Variants in TCTN2 observed in about 807,000 individuals in gnomAD.
TCTN2 encodes tectonic family member 2.
A neutral mutation model predicts 83.4 loss-of-function variants in TCTN2; 66 were observed. That is an observed-to-expected ratio of 0.79 (90% CI 0.65 to 0.97). TCTN2 has a LOEUF of 0.97. Ranked by LOEUF, TCTN2 falls within the 50% of genes least tolerant of loss-of-function variation. The pLI is 0.00. For missense variants in TCTN2, 794 were observed against 858.1 expected, an observed-to-expected ratio of 0.93 and a Z score of 0.93; for synonymous variants, 301 against 326.7, an observed-to-expected ratio of 0.92 and a Z score of 0.85.
intron 4 of TCTN2, among the ~76,000 whole-genome samples, chr12:123,678,888 C>T (rs921706279): frequency 2.6e-5 from 4 of 151,888 alleles, no homozygotes; most frequent in African/African-American, 7.3e-5. Flanking sequence ...AGCTCCGCCT[C>T]CCGGGTTCAC....
chr12:123,675,342 A>G (rs980078570), intron 4 of TCTN2, among the ~76,000 whole-genome samples: 7 of 152,130 alleles, frequency 4.6e-5, no homozygotes, highest in Non-Finnish European at 7.4e-5. Flanking sequence ...CTCTGCAGTG[A>G]TGAGTGCTAC....
chr12:123,672,603 G>A (rs758964626), intron 3 of TCTN2, among the ~76,000 whole-genome samples: 1 of 151,692 alleles, frequency 6.6e-6, no homozygotes, highest in Non-Finnish European at 1.5e-5. Flanking sequence ...GGTGGGTGGC[G>A]TACACCTACA....
rs569489612 is a variant in TCTN2, at chr12:123,708,206, T to C, written c.*493T>C. 5.5e-6 allele frequency: 1 copy of C among 181,178 alleles called. No individual in the cohort carries two copies. Among genetic ancestry groups the C allele is most frequent in the South Asian group, 1.2e-4 (1 of 8,480 alleles). 11.2% of individuals were successfully genotyped at this position (181,178 alleles called of 1,614,324 possible). Reference sequence around the variant, plus strand: ...CGGGGTTTCGCCTTGTTGCCCAGGGTGGTCTGTAACTCCTGAGCTCAGATG... The same window carrying C: ...CGGGGTTTCGCCTTGTTGCCCAGGGCGGTCTGTAACTCCTGAGCTCAGATG... On this transcript the variant is annotated 3_prime_UTR_variant, in exon 18 of 18. Coordinates refer to ENST00000303372, the MANE Select transcript of TCTN2 (RefSeq NM_024809.5).
chr12:123,688,308 C>T (rs996491012), intron 7 of TCTN2, 131 bp downstream of exon 7: 14 of 1,218,596 alleles, frequency 1.1e-5, no homozygotes, highest in African/African-American at 6.3e-5. Flanking sequence ...CTCTGCCTCC[C>T]GGGTTCAAGT....
At chr12:123,683,361 A>G (rs950003761) in intron 5 of TCTN2, among the ~76,000 whole-genome samples, 16 of 150,738 alleles carry the variant, frequency 1.1e-4, no homozygotes, top group African/African-American at 2.2e-4. Flanking sequence ...GCTCACTGCA[A>G]CCTCTGCCTC....
In TCTN2 at chr12:123,683,980, G is replaced by A. The variant is rs1955932214; in HGVS notation, c.565-2856G>A. On this transcript the variant is annotated intron_variant, in intron 5 of 17. Coordinates refer to ENST00000303372, the MANE Select transcript of TCTN2 (RefSeq NM_024809.5). Reference sequence around the variant, plus strand: ...TTTAAATTTAAGGGGAATGAGAACTGCAAAAGAAGAAATTTACTGGTACCC... The same window carrying A: ...TTTAAATTTAAGGGGAATGAGAACTACAAAAGAAGAAATTTACTGGTACCC... Among the ~76,000 whole-genome samples, 4 of 152,104 alleles carry A rather than the reference G, an allele frequency of 2.6e-5. No homozygotes were observed. The South Asian group carries it at 8.3e-4, about 31-fold the overall frequency.
chr12:123,687,895 C>T (rs767288390), intron 6 of TCTN2, among the ~76,000 whole-genome samples, 156 bp from the exon 7 acceptor site: 2 of 150,352 alleles, frequency 1.3e-5, no homozygotes, highest in African/African-American at 2.4e-5. Context: ...ACCTGGGAGG[C>T]GGAGGTAGCA....
chr12:123,697,229 A>G lies in TCTN2; in HGVS notation c.1505+31A>G, dbSNP rs760992434. The G allele has an allele frequency of 1.2e-5, 18 of 1,476,094 alleles. No homozygotes were observed. The South Asian group carries it at 2.0e-4, about 17-fold the overall frequency. The allele number at this position is 1,476,094 out of a possible 1,614,324, so 91.4% of individuals were successfully genotyped here. ...TGTTTCATTGATGAATATATCGGCA[A>G]TGTGAATGGTTTGCCTAGAATTAAT... On this transcript the variant is annotated intron_variant, in intron 13 of 17. Transcript: ENST00000303372.
intron 3 of TCTN2, among the ~76,000 whole-genome samples, chr12:123,672,430 G>T (rs371643896): frequency 1.3e-5 from 2 of 152,092 alleles, no homozygotes; most frequent in East Asian, 3.9e-4. Flanking sequence ...TCATCAAATG[G>T]GTCAGTGATT....
In TCTN2 at chr12:123,692,667, C is replaced by G. The variant is rs564412882; in HGVS notation, c.1043C>G (p.Thr348Arg). The G allele has an allele frequency of 9.9e-6, 16 of 1,612,598 alleles. No individual in the cohort carries two copies. The highest frequency in any genetic ancestry group is 1.4e-5 in the Non-Finnish European group (16 of 1,178,740). The stretch of plus-strand genomic sequence containing the variant: ...TATGTTATCTCTTTAGGCATAGTTA[C>G]ACCAAAAGTGATCTATGAGGAAGCA... The part of the protein sequence containing the change: ...IKNVALGGIV[T>R]PKVIYEEATD... The change falls in exon 9 of 18, where the codon ACA becomes AGA. Residue 348 changes from threonine (T) to arginine (R), a missense_variant. Physicochemically the swap from Thr to Arg is moderately conservative, Grantham distance 71. Transcript: ENST00000303372.
rs751731961 is a variant in TCTN2, at chr12:123,688,031, C to G, written c.765-20C>G. 2 of 1,613,324 alleles carry G rather than the reference C, an allele frequency of 1.2e-6. No individual in the cohort carries two copies. Among genetic ancestry groups the G allele is most frequent in the South Asian group, 1.1e-5 (1 of 91,050 alleles). The stretch of plus-strand genomic sequence containing the variant: ...TTAGCAGATAACTGAAACTATTCAG[C>G]CTTTCTTATTGATTTTCAGTTCCCC... On this transcript the variant is annotated intron_variant, in intron 6 of 17. Coordinates refer to ENST00000303372, the MANE Select transcript of TCTN2 (RefSeq NM_024809.5).
intron 13 of TCTN2, 148 bp from the exon 14 acceptor site, chr12:123,699,556 A>G (rs1230787144): frequency 2.8e-6 from 2 of 715,644 alleles, no homozygotes; most frequent in Non-Finnish European, 5.0e-6. Context: ...CACCTAGTCC[A>G]TGGGTGACAC....
intron 13 of TCTN2, among the ~76,000 whole-genome samples, chr12:123,698,008 G>C (rs1956130640): frequency 6.6e-6 from 1 of 151,884 alleles, no homozygotes; most frequent in Non-Finnish European, 1.5e-5. Flanking sequence ...GGGATTACAG[G>C]CATGAGTCAC....
Position 123,682,902 on chromosome 12 carries a change from C to T in TCTN2, c.564+3613C>T, listed in dbSNP as rs57988149. Among the ~76,000 whole-genome samples, 950 of 152,062 alleles carry T rather than the reference C, an allele frequency of 6.2e-3. 12 individuals carry two copies. Among genetic ancestry groups the T allele is most frequent in the African/African-American group, 0.022 (897 of 41,468 alleles). On this transcript the variant is annotated intron_variant, in intron 5 of 17. Coordinates refer to ENST00000303372, the MANE Select transcript of TCTN2 (RefSeq NM_024809.5). Reference sequence around the variant, plus strand: ...ATTTCTGGTGTCATATTTCAGAAACCATTGTTTAATCCTGGCGAAATACAC... The same window carrying T: ...ATTTCTGGTGTCATATTTCAGAAACTATTGTTTAATCCTGGCGAAATACAC...
In TCTN2 at chr12:123,687,903, G is replaced by A. The variant is rs1955992753; in HGVS notation, c.765-148G>A. The A allele has an allele frequency of 9.8e-6, 10 of 1,017,754 alleles. No homozygotes were observed. In the East Asian group the frequency reaches 2.4e-4, roughly 24 times the overall value. 63.0% of individuals were successfully genotyped at this position (1,017,754 alleles called of 1,614,324 possible). On this transcript the variant is annotated intron_variant, in intron 6 of 17. Coordinates refer to ENST00000303372, the MANE Select transcript of TCTN2 (RefSeq NM_024809.5). ...TGCTTGAACCTGGGAGGCGGAGGTAGCAGTGAACAAAGATCACGCCACTGC... is the reference window on the plus strand; with the variant it reads ...TGCTTGAACCTGGGAGGCGGAGGTAACAGTGAACAAAGATCACGCCACTGC...
intron 7 of TCTN2, 86 bp from the exon 8 acceptor site, chr12:123,690,447 G>A (rs1175960588): frequency 8.2e-6 from 13 of 1,589,984 alleles, no homozygotes; most frequent in Non-Finnish European, 1.1e-5. Flanking sequence ...GCAGGCTGCA[G>A]AAAGACCAGT....
At position 123,706,842 on chromosome 12, in the gene TCTN2, C is replaced by T; in HGVS notation, c.1886C>T (p.Pro629Leu). 6.2e-7 allele frequency: 1 copy of T among 1,614,068 alleles called. No individual in the cohort carries two copies. The highest frequency in any genetic ancestry group is 8.5e-7 in the Non-Finnish European group (1 of 1,180,008). Reference sequence around the variant, plus strand: ...AAAATTCCTGCACAGTTACCCCACCCCCTGACAAGGTACTCCAGTTGCTCA... The same window carrying T: ...AAAATTCCTGCACAGTTACCCCACCTCCTGACAAGGTACTCCAGTTGCTCA... ...FIKIPAQLPH[P>L]LTRFQINYTE... Residue 629 changes from proline (P) to leucine (L), a missense_variant, in exon 16 of 18, where the codon CCC (proline) becomes CTC (leucine). By Grantham distance (98) the Pro-to-Leu change is moderately conservative (BLOSUM62 -3). Transcript: ENST00000303372.
chr12:123,695,302 G>A lies in TCTN2; in HGVS notation c.1312+5G>A, dbSNP rs757583264. On this transcript the variant is annotated splice_donor_5th_base_variant and intron_variant, in intron 11 of 17. Transcript: ENST00000303372. The stretch of plus-strand genomic sequence containing the variant: ...AAGAATTATCTGGAAATCCAGGTAA[G>A]ATGAGTATATGCCAGTCATTGATCT... 6.4e-7 allele frequency: 1 copy of A among 1,557,248 alleles called. No homozygotes were observed. The highest frequency in any genetic ancestry group is 1.4e-5 in the African/African-American group (1 of 73,920).
chr12:123,672,941 T>A (rs940952278), intron 3 of TCTN2, among the ~76,000 whole-genome samples: 4 of 152,024 alleles, frequency 2.6e-5, no homozygotes, highest in Non-Finnish European at 5.9e-5. Flanking sequence ...TCTCAGCTAC[T>A]TTGGAGGCTG....
Sources: gnomAD v4.1 joint callset for allele counts (sites outside exome capture counted in the v4.1 genomes callset) on GRCh38, gnomAD v4.1.1 for gene constraint, MANE v1.5 for transcripts, NCBI Gene and HGNC (gene_info 2026-07-23, HGNC 2026-07-21) for gene names.